Variants in SFI1 observed in about 807,000 individuals in gnomAD.
SFI1 encodes the protein protein SFI1 homolog.
SFI1 carries 195 observed loss-of-function variants against 207.5 expected under a neutral mutation model. That is an observed-to-expected ratio of 0.94 (90% CI 0.84 to 1.06). The LOEUF (loss-of-function observed/expected upper bound fraction) is 1.06. SFI1 is among the 50% of genes least tolerant of loss of function. The pLI, the probability that SFI1 is intolerant of heterozygous loss-of-function variation, is 0.00. For missense variants in SFI1, 1,634 were observed against 1,588.0 expected (o/e 1.03, Z -0.49); for synonymous variants, 630 against 598.9 (o/e 1.05, Z -0.76).
At chr22:31,608,403 G>C (rs776313027) in intron 22 of SFI1, among the ~76,000 whole-genome samples, 6 of 152,120 alleles carry the variant, frequency 3.9e-5, no homozygotes, top group African/African-American at 7.2e-5. Flanking sequence ...TCCCTTAGAA[G>C]GACTCTGGTC....
chr22:31,612,908 AT>A (rs1341595088), intron 24 of SFI1: 3 of 538,184 alleles, frequency 5.6e-6, no homozygotes, highest in Admixed American at 6.2e-5. Context: ...GCCTCCACGC[AT>A]CCCCCTGCAG....
Position 31,604,849 on chromosome 22 carries a change from G to A in SFI1, c.1978-20G>A, listed in dbSNP as rs1246504429. On this transcript the variant is annotated intron_variant, in intron 19 of 32. Coordinates refer to ENST00000400288, the MANE Select transcript of SFI1 (RefSeq NM_001007467.3). ...AAGTGTGGGCCCAAGAGCAGCCTCA[G>A]TCTTCCTTGTCCCCTACAGACTTAC... 3.7e-6 allele frequency: 6 copies of A among 1,607,976 alleles called. No homozygotes were observed.
In SFI1 at chr22:31,546,628, C is replaced by CTTT. The variant is rs1023474233; in HGVS notation, c.339-215_339-213dup. ...AGGCACTGCGCCCGACCGATGTTTA[C>CTTT]TTTTTTTTTTTTTTTTTTTTAGTAG... On this transcript the variant is annotated intron_variant, in intron 4 of 32. Coordinates refer to ENST00000400288, the MANE Select transcript of SFI1 (RefSeq NM_001007467.3). 9.1e-3 allele frequency among the ~76,000 whole-genome samples: 1,098 copies of CTTT among 120,178 alleles called. 3 individuals are homozygous for CTTT. The highest frequency in any genetic ancestry group is 0.017 in the Middle Eastern group (4 of 234). 78.8% of individuals were successfully genotyped at this position (120,178 alleles called of 152,430 possible). A position where few individuals can be genotyped will look rare whatever the true frequency, so the allele number is the denominator to read the frequency against.
intron 1 of SFI1, among the ~76,000 whole-genome samples, chr22:31,506,191 G>T (rs2054611475): frequency 1.3e-5 from 2 of 151,728 alleles, no homozygotes; most frequent in Non-Finnish European, 2.9e-5. Flanking sequence ...GGGATTGCAG[G>T]TGCCCACCAC....
intron 14 of SFI1, 38 bp downstream of exon 14, chr22:31,585,172 A>C (rs1399387401): frequency 1.3e-6 from 2 of 1,528,608 alleles, no homozygotes; most frequent in South Asian, 1.1e-5. Flanking sequence ...CTACTGGCTT[A>C]CATTCTTGGA....
In SFI1 at chr22:31,613,865, C is replaced by T. The variant is rs1163794230; in HGVS notation, c.2996+10C>T. On this transcript the variant is annotated intron_variant, in intron 27 of 32. Coordinates refer to ENST00000400288, the MANE Select transcript of SFI1 (RefSeq NM_001007467.3). ...CCCACGCCCTGGAGCTGTGAGTAGC[C>T]TGTGCTCACCTTGTCCTCGCTTCCA... 6.3e-7 allele frequency: 1 copy of T among 1,582,672 alleles called. No homozygotes were observed. The highest frequency in any genetic ancestry group is 1.8e-5 in the Admixed American group (1 of 56,054).
intron 8 of SFI1, among the ~76,000 whole-genome samples, chr22:31,572,568 C>G (rs1375757995): frequency 2.6e-5 from 4 of 152,080 alleles, no homozygotes; most frequent in African/African-American, 9.7e-5. Flanking sequence ...GTGGTGTGAT[C>G]TCAGCTCACT....
chr22:31,580,546 T>TC (rs199847947), intron 12 of SFI1, among the ~76,000 whole-genome samples, 182 bp downstream of exon 12: 6 of 131,216 alleles, frequency 4.6e-5, no homozygotes, highest in African/African-American at 8.9e-5. Context: ...TCTTTTCTTT[T>TC]TTTTTTTTTT....
chr22:31,509,855 A>G (rs190946956), intron 2 of SFI1, among the ~76,000 whole-genome samples: 1 of 152,142 alleles, frequency 6.6e-6, no homozygotes, highest in Admixed American at 6.6e-5. Context: ...TACTGGTCTC[A>G]ATGAATTTGG....
intron 15 of SFI1, among the ~76,000 whole-genome samples, chr22:31,591,000 G>C (rs1374118891): frequency 7.4e-6 from 1 of 135,116 alleles, no homozygotes. Flanking sequence ...GATAATTCTT[G>C]GGTGTTTCTC....
intron 6 of SFI1, among the ~76,000 whole-genome samples, chr22:31,553,603 C>T (rs1168851987): frequency 6.8e-6 from 1 of 147,432 alleles, no homozygotes; most frequent in Non-Finnish European, 1.5e-5. Flanking sequence ...GAACTCCTGA[C>T]CTCAGGGGAT....
Position 31,529,570 on chromosome 22 carries a change from T to TA in SFI1, c.266+708dup, listed in dbSNP as rs371627112. 2.4e-3 allele frequency among the ~76,000 whole-genome samples: 371 copies of TA among 152,278 alleles called. 3 individuals carry two copies. The highest frequency in any genetic ancestry group is 0.02 in the Middle Eastern group (6 of 294). On this transcript the variant is annotated intron_variant, in intron 3 of 32. Coordinates refer to ENST00000400288, the MANE Select transcript of SFI1 (RefSeq NM_001007467.3). ...TCTGGTGCTTACCCATGCCAGGTGTTACGCTAGATGCTGAGCATATAAAGT... is the reference window on the plus strand; with the variant it reads ...TCTGGTGCTTACCCATGCCAGGTGTTAACGCTAGATGCTGAGCATATAAAGT...
At chr22:31,569,467 C>T (rs1375593908) in intron 8 of SFI1, among the ~76,000 whole-genome samples, 1 of 152,104 alleles carries the variant, frequency 6.6e-6, no homozygotes, top group Non-Finnish European at 1.5e-5. Context: ...GTTAAAGACA[C>T]CTCGAGGTTA....
intron 20 of SFI1, chr22:31,606,079 C>T (rs2068919258): frequency 2.1e-6 from 1 of 483,056 alleles, no homozygotes; most frequent in East Asian, 3.5e-5. Flanking sequence ...ATCCCCGTAG[C>T]ACCTGGAGTT....
chr22:31,554,117 C>A (rs2060926584), intron 6 of SFI1, among the ~76,000 whole-genome samples: 1 of 151,654 alleles, frequency 6.6e-6, no homozygotes, highest in Non-Finnish European at 1.5e-5. Context: ...GGATTACAGT[C>A]ATGAGCCACT....
Position 31,589,582 on chromosome 22 carries a change from G to A in SFI1, c.1544+5G>A, listed in dbSNP as rs777811189. 6.2e-7 allele frequency: 1 copy of A among 1,610,920 alleles called. No homozygotes were observed. The highest frequency in any genetic ancestry group is 2.2e-5 in the East Asian group (1 of 44,790). ...AAGAGCAACACGTTTCCACAGGTAT[G>A]TTGCGCAGCTCCTGTCTGCACTGGG... On this transcript the variant is annotated splice_donor_5th_base_variant and intron_variant, in intron 15 of 32. Coordinates refer to ENST00000400288, the MANE Select transcript of SFI1 (RefSeq NM_001007467.3).
rs145539267 is a variant in SFI1 at position 31,513,145 on chromosome 22, C to T, written c.92+4769C>T. ...AAATCAAGCTGTTTAACTTATCTGT[C>T]ACCTCAAGTATTTGACTTTTTTTTT... On this transcript the variant is annotated intron_variant, in intron 2 of 32. Coordinates refer to ENST00000400288, the MANE Select transcript of SFI1 (RefSeq NM_001007467.3). Among the ~76,000 whole-genome samples, 248 of 152,046 alleles carry T rather than the reference C, an allele frequency of 1.6e-3. 3 individuals are homozygous for T. Among genetic ancestry groups the T allele is most frequent in the Admixed American group, 0.014 (219 of 15,260 alleles).
At chr22:31,507,556 A>G (rs578231528) in intron 1 of SFI1, among the ~76,000 whole-genome samples, 2 of 152,304 alleles carry the variant, frequency 1.3e-5, no homozygotes, top group South Asian at 2.1e-4. Flanking sequence ...AAAAGAAACT[A>G]TCATCAGAGT....
intron 21 of SFI1, chr22:31,606,697 T>C (rs982576611): frequency 7.5e-5 from 13 of 173,736 alleles, no homozygotes; most frequent in Admixed American, 2.7e-4. Context: ...TTTTTTCTTT[T>C]TTTTTTTTTT....
Sources: gnomAD v4.1 joint callset for allele counts (sites outside exome capture counted in the v4.1 genomes callset) on GRCh38, gnomAD v4.1.1 for gene constraint, MANE v1.5 for transcripts, NCBI Gene and HGNC (gene_info 2026-07-23, HGNC 2026-07-21) for gene names.